Variants in CD101 observed in about 807,000 individuals in gnomAD.
CD101 encodes the protein immunoglobulin superfamily member 2.
In CD101, 76 loss-of-function variants were observed where a neutral mutation model predicts 98.2. The ratio of observed to expected loss-of-function variants is 0.77; its 90% CI spans 0.64 to 0.94. CD101 has a LOEUF of 0.94. Ranked by LOEUF, CD101 falls within the 40% of genes least tolerant of loss-of-function variation. The pLI, the probability that CD101 is intolerant of heterozygous loss-of-function variation, is 0.00. For synonymous variants in CD101, 471 were observed against 472.7 expected (o/e 1.00, Z 0.05); for missense variants, 1,145 against 1,218.8 (o/e 0.94, Z 0.90).
intron 3 of CD101, 29 bp downstream of exon 3, chr1:117,011,995 T>C: frequency 6.3e-7 from 1 of 1,580,098 alleles, no homozygotes; most frequent in Non-Finnish European, 8.7e-7. Context: ...AATTCATTAA[T>C]ACACTAGTAT....
chr1:117,013,561 G>A lies in CD101; in HGVS notation c.997G>A (p.Gly333Arg). 6.2e-7 allele frequency: 1 copy of A among 1,614,176 alleles called. No homozygotes were observed. The highest frequency in any genetic ancestry group is 8.5e-7 in the Non-Finnish European group (1 of 1,180,030). The change falls in exon 4 of 10, where the codon GGA becomes AGA. Residue 333 changes from glycine to arginine, a missense_variant. Transcript: ENST00000682167. ...GTEIAHIDAG[G>R]VLGLKNDYKE... ...TGAAATTGCTCACATTGATGCTGGT[G>A]GAGTCCTGGGCCTGAAGAATGACTA...
intron 8 of CD101, among the ~76,000 whole-genome samples, chr1:117,028,686 A>G (rs1161908578): frequency 6.6e-6 from 1 of 152,222 alleles, no homozygotes; most frequent in African/African-American, 2.4e-5. Flanking sequence ...GGTACCACAG[A>G]CACTAAAGGC....
chr1:117,018,096 A>G lies in CD101; in HGVS notation c.1613-60A>G. 2.1e-6 allele frequency: 3 copies of G among 1,440,212 alleles called. No individual in the cohort carries two copies. In the South Asian group the frequency reaches 4.3e-5, roughly 21 times the overall value. The allele number at this position is 1,440,212 out of a possible 1,614,324, so 89.2% of individuals were successfully genotyped here. A position where few individuals can be genotyped will look rare whatever the true frequency, so the allele number is the denominator to read the frequency against. ...AAGAGGTGGCAACTAGAAAAACTTG[A>G]AAGTGCTATATTTTAATCTGGTAAA... is the stretch of plus-strand genomic sequence containing the variant. On this transcript the variant is annotated intron_variant, in intron 5 of 9. Coordinates refer to ENST00000682167, the MANE Select transcript of CD101 (RefSeq NM_001256106.3). The surrounding 1 kb of genome is among the most constrained non-coding windows in gnomAD (Gnocchi z 4.3).
At chr1:117,034,669 A>G (rs17229389) in intron 9 of CD101, among the ~76,000 whole-genome samples, 10,729 of 152,294 alleles carry the variant, frequency 0.07, 472 homozygotes, top group African/African-American at 0.12. Flanking sequence ...CTCAAGAGCA[A>G]GTTCTGTGTA....
In CD101 at chr1:117,001,852, T is replaced by C; in HGVS notation, c.35T>C (p.Leu12Pro). The C allele has an allele frequency of 6.2e-7, 1 of 1,614,148 alleles. No homozygotes were observed. Among genetic ancestry groups the C allele is most frequent in the Non-Finnish European group, 8.5e-7 (1 of 1,179,982 alleles). Residue 12 changes from leucine to proline, a missense_variant, in exon 1 of 10, where the codon CTC (leucine) becomes CCC (proline). Leu to Pro is a moderately conservative substitution (Grantham distance 98, BLOSUM62 -3). Transcript: ENST00000682167. ...ATCTCATATGTGGCATCTTTCTTTC[T>C]CCTTCTGAGTAAGTTTCATAATCCT... Reference protein sequence around the residue: ...AGISYVASFFLLLTKLSIGQR... With the variant: ...AGISYVASFFPLLTKLSIGQR...
intron 8 of CD101, among the ~76,000 whole-genome samples, chr1:117,028,945 G>A (rs1436297057): frequency 6.6e-6 from 1 of 151,922 alleles, no homozygotes; most frequent in East Asian, 1.9e-4. Context: ...TCAAAAAAAA[G>A]TGAAAGTATT....
chr1:117,003,960 C>A (rs2101109223), intron 1 of CD101, among the ~76,000 whole-genome samples: 1 of 152,232 alleles, frequency 6.6e-6, no homozygotes, highest in Non-Finnish European at 1.5e-5. Context: ...CATTGGTTAG[C>A]AAATTTACAC....
At chr1:117,031,460 C>T (rs776626051) in intron 8 of CD101, among the ~76,000 whole-genome samples, 3 of 152,208 alleles carry the variant, frequency 2.0e-5, no homozygotes, top group Admixed American at 6.5e-5. Context: ...CCTAAGTAAT[C>T]ATTTCAGTCT....
intron 1 of CD101, among the ~76,000 whole-genome samples, chr1:117,007,706 A>G (rs1039774091): frequency 2.0e-5 from 3 of 152,208 alleles, no homozygotes; most frequent in Admixed American, 6.5e-5. Flanking sequence ...TAAATAATAC[A>G]GTGTGGTTTC....
At chr1:117,003,559 T>A (rs186505172) in intron 1 of CD101, among the ~76,000 whole-genome samples, 1 of 152,318 alleles carries the variant, frequency 6.6e-6, no homozygotes, top group East Asian at 1.9e-4. Context: ...GTATGTGCTT[T>A]GTGTATTTGA....
chr1:117,025,193 T>C (rs1185073425), intron 7 of CD101, among the ~76,000 whole-genome samples: 1 of 151,760 alleles, frequency 6.6e-6, no homozygotes, highest in African/African-American at 2.4e-5. Flanking sequence ...TGAAACCCCG[T>C]CTCTACTAAA....
rs1557778609 is a variant in CD101 at position 117,029,167 on chromosome 1, GAAAGAAAGAAAGAAAGAAAGAAAGAAA to G, written c.2824+3264_2824+3290del. Reference sequence around the variant, plus strand: ...AGAAAGAAAGAAAGAAAGAAAGAAAGAAAGAAAGAAAGAAAGAAAGAAAGAAAGAAAGAAAGAAAAGAAAGAAAAGAA... The same window carrying G: ...AGAAAGAAAGAAAGAAAGAAAGAAAGGAAAGAAAGAAAAGAAAGAAAAGAA... On this transcript the variant is annotated intron_variant, in intron 8 of 9. Transcript: ENST00000682167. Among the ~76,000 whole-genome samples the G allele has an allele frequency of 2.5e-4, 25 of 98,198 alleles. No homozygotes were observed. In the South Asian group the frequency reaches 5.2e-3, roughly 21 times the overall value. The allele number at this position is 98,198 out of a possible 152,430, so 64.4% of individuals were successfully genotyped here.
At position 117,010,090 on chromosome 1, in the gene CD101, A is replaced by T. The variant is rs371892797; in HGVS notation, c.284A>T (p.Tyr95Phe). 6.2e-7 allele frequency: 1 copy of T among 1,614,232 alleles called. No individual in the cohort carries two copies. The highest frequency in any genetic ancestry group is 8.5e-7 in the Non-Finnish European group (1 of 1,180,040). The change falls in exon 2 of 10, where the codon TAC becomes TTC. Residue 95 changes from tyrosine (Y) to phenylalanine (F), a missense_variant. Transcript: ENST00000682167. This position sits in a 1 kb window ranked among gnomAD's most constrained non-coding sequence, Gnocchi z 5.2. ...CAGCGGGTGCGAAGCGGAGACGTCTACGTGGAGAGGGTCCAGGGCAACTCA... is the reference window on the plus strand; with the variant it reads ...CAGCGGGTGCGAAGCGGAGACGTCTTCGTGGAGAGGGTCCAGGGCAACTCA... ...YTQRVRSGDV[Y>F]VERVQGNSVL...
chr1:117,021,943 AAAG>A lies in CD101; in HGVS notation c.2392_2394del (p.Lys798del), dbSNP rs1653614750. ...ATGGCACTTGGCACAAGCTTGGAGA[AAAG>A]AAGTCAGGACTAACAGAATTGAAAC... is the stretch of plus-strand genomic sequence containing the variant. On this transcript the variant is annotated inframe_deletion, in exon 7 of 10. Coordinates refer to ENST00000682167, the MANE Select transcript of CD101 (RefSeq NM_001256106.3). The surrounding 1 kb of genome is among the most constrained non-coding windows in gnomAD (Gnocchi z 4.7). The A allele has an allele frequency of 1.9e-6, 3 of 1,612,902 alleles. No homozygotes were observed. Among genetic ancestry groups the A allele is most frequent in the East Asian group, 4.5e-5 (2 of 44,892 alleles).
Position 117,011,899 on chromosome 1 carries a change from A to T in CD101, c.774A>T (p.Pro258=). 6.2e-7 allele frequency: 1 copy of T among 1,614,200 alleles called. No individual in the cohort carries two copies. The change falls in exon 3 of 10, where the codon CCA becomes CCT. Residue 258 remains proline (P), a synonymous_variant. Coordinates refer to ENST00000682167, the MANE Select transcript of CD101 (RefSeq NM_001256106.3). ...FCEATEWIQD[P]DETWMFITKK... Reference sequence around the variant, plus strand: ...AGGCAACGGAATGGATTCAGGATCCAGATGAAACTTGGATGTTCATCACCA... The same window carrying T: ...AGGCAACGGAATGGATTCAGGATCCTGATGAAACTTGGATGTTCATCACCA...
chr1:117,013,598 C>A lies in CD101; in HGVS notation c.1034C>A (p.Ala345Glu), dbSNP rs1260796289. 3 of 1,614,126 alleles carry A rather than the reference C, an allele frequency of 1.9e-6. No individual in the cohort carries two copies. Among genetic ancestry groups the A allele is most frequent in the East Asian group, 2.2e-5 (1 of 44,878 alleles). Residue 345 changes from alanine to glutamate, a missense_variant, in exon 4 of 10, where the codon GCA becomes GAA. Ala to Glu is a moderately radical substitution (Grantham distance 107). Coordinates refer to ENST00000682167, the MANE Select transcript of CD101 (RefSeq NM_001256106.3). ...LGLKNDYKER[A>E]SQGELQVSKL... ...CTGAAGAATGACTACAAAGAGAGAG[C>A]AAGTCAAGGAGAGCTCCAGGTTTCA...
chr1:117,009,896 A>C lies in CD101; in HGVS notation c.90A>C (p.Pro30=), dbSNP rs754384066. 1 of 1,613,386 alleles carries C rather than the reference A, an allele frequency of 6.2e-7. No individual in the cohort carries two copies. Among genetic ancestry groups the C allele is most frequent in the South Asian group, 1.1e-5 (1 of 91,064 alleles). ...GQREVTVQKG[P]LFRAEGYPVS... is the part of the protein sequence containing the mutation. Reference sequence around the variant, plus strand: ...GAGAAGTAACAGTTCAGAAAGGACCACTGTTTAGAGCTGAAGGTTACCCAG... The same window carrying C: ...GAGAAGTAACAGTTCAGAAAGGACCCCTGTTTAGAGCTGAAGGTTACCCAG... The change falls in exon 2 of 10, where the codon CCA becomes CCC. Residue 30 remains proline, a synonymous_variant. Transcript: ENST00000682167.
rs1369049273 is a variant in CD101, at chr1:117,022,296, CT to C, written c.2428+314del. 2.6e-5 allele frequency among the ~76,000 whole-genome samples: 4 copies of C among 152,152 alleles called. No individual in the cohort carries two copies. The highest frequency in any genetic ancestry group is 2.6e-4 in the Admixed American group (4 of 15,268). ...ATCTCCAGATCTCTATCATAACAAGCTGTGTCATTCCAGTGGGGCTCTACTG... is the reference window on the plus strand; with the variant it reads ...ATCTCCAGATCTCTATCATAACAAGCGTGTCATTCCAGTGGGGCTCTACTG... On this transcript the variant is annotated intron_variant, in intron 7 of 9. Transcript: ENST00000682167. This position sits in a 1 kb window ranked among gnomAD's most constrained non-coding sequence, Gnocchi z 4.8.
Position 117,022,109 on chromosome 1 carries a change from A to G in CD101, c.2428+126A>G. ...ACCTAAAGTCATAGGAACAGTATCT[A>G]CCTACACATGACTGCAAGACCGAGT... On this transcript the variant is annotated intron_variant, in intron 7 of 9. Coordinates refer to ENST00000682167, the MANE Select transcript of CD101 (RefSeq NM_001256106.3). The surrounding 1 kb of genome is among the most constrained non-coding windows in gnomAD (Gnocchi z 4.8). The G allele has an allele frequency of 9.4e-7, 1 of 1,059,032 alleles. No homozygotes were observed. The highest frequency in any genetic ancestry group is 1.4e-6 in the Non-Finnish European group (1 of 733,210). 65.6% of individuals were successfully genotyped at this position (1,059,032 alleles called of 1,614,324 possible). A position where few individuals can be genotyped will look rare whatever the true frequency, so the allele number is the denominator to read the frequency against.
Sources: allele counts gnomAD v4.1 joint callset (sites outside exome capture counted in the v4.1 genomes callset), GRCh38; gene constraint gnomAD v4.1.1; non-coding constraint Gnocchi (gnomAD v3.1); transcripts MANE v1.5; gene names NCBI Gene and HGNC (gene_info 2026-07-23, HGNC 2026-07-21).